The following FAM149A variants were observed in gnomAD, a reference collection of about 807,000 sequenced individuals.
FAM149A encodes the protein family with sequence similarity 149 member A.
In FAM149A, 71 loss-of-function variants were observed where a neutral mutation model predicts 78.2. The observed-to-expected ratio is 0.91, with a 90% CI of 0.75 to 1.11. The LOEUF is 1.11. FAM149A is among the 50% of genes least tolerant of loss of function. The pLI, the probability that FAM149A is intolerant of heterozygous loss-of-function variation, is 0.00. For missense variants in FAM149A, 1,036 were observed against 971.0 expected, an observed-to-expected ratio of 1.07 and a Z score of -0.89; for synonymous variants, 446 against 410.5, an observed-to-expected ratio of 1.09 and a Z score of -1.04.
intron 1 of FAM149A, chr4:186,116,453 C>T (rs1014609984): frequency 3.9e-5 from 38 of 983,986 alleles, no homozygotes; most frequent in Admixed American, 6.2e-5. Context: ...GTCATATGAC[C>T]ATTACTGTCA....
rs566527252 is a variant in FAM149A, at chr4:186,172,546, G to A, written c.*559G>A. ...TGAACCTCTTTGAGAAATGTCAGTG[G>A]CAAAATCTCCCAAGCTAATTTTCTT... On this transcript the variant is annotated 3_prime_UTR_variant, in exon 14 of 14. Coordinates refer to ENST00000389354, the MANE Select transcript of FAM149A (RefSeq NM_001367768.3). 1 of 112,096 alleles carries A rather than the reference G, an allele frequency of 8.9e-6. No individual in the cohort carries two copies. The highest frequency in any genetic ancestry group is 2.8e-5 in the African/African-American group (1 of 35,674). The allele number at this position is 112,096 out of a possible 1,614,324, so 6.9% of individuals were successfully genotyped here.
Position 186,164,500 on chromosome 4 carries a change from CAT to C in FAM149A, c.1890-842_1890-841del, listed in dbSNP as rs1734862454. 1 of 984,982 alleles carries C rather than the reference CAT, an allele frequency of 1.0e-6. No homozygotes were observed. Among genetic ancestry groups the C allele is most frequent in the Non-Finnish European group, 1.2e-6 (1 of 829,626 alleles). The allele number at this position is 984,982 out of a possible 1,614,324, so 61.0% of individuals were successfully genotyped here. A position where few individuals can be genotyped will look rare whatever the true frequency, so the allele number is the denominator to read the frequency against. On this transcript the variant is annotated intron_variant, in intron 10 of 13. Transcript: ENST00000389354. This position sits in a 1 kb window ranked among gnomAD's most constrained non-coding sequence, Gnocchi z 4.0. ...CACCCAGACTTTTTCCAGATGCAGT[CAT>C]AACCCCCCTTTCAGCTTTTTAATTG... is the stretch of plus-strand genomic sequence containing the variant.
intron 5 of FAM149A, 28 bp downstream of exon 5, chr4:186,153,798 A>G (rs1733805916): frequency 6.4e-7 from 1 of 1,568,716 alleles, no homozygotes; most frequent in Non-Finnish European, 8.7e-7. Flanking sequence ...ACTCTCAAAA[A>G]GTATTGTTAG....
rs1733296027 is a variant in FAM149A at position 186,149,407 on chromosome 4, A to ATTT, written c.677+124_677+125insTTT. 8.2e-6 allele frequency: 9 copies of ATTT among 1,095,894 alleles called. No individual in the cohort carries two copies. The East Asian group carries it at 5.3e-4, about 65-fold the overall frequency. 67.9% of individuals were successfully genotyped at this position (1,095,894 alleles called of 1,614,324 possible). A position where few individuals can be genotyped will look rare whatever the true frequency, so the allele number is the denominator to read the frequency against. On this transcript the variant is annotated intron_variant, in intron 2 of 13. Transcript: ENST00000389354. ...TGCAGTTTTATTTTTAACCTAGTGT[A>ATTT]AACATCACACTGTAAAAATATTTCA...
At position 186,135,536 on chromosome 4, in the gene FAM149A, C is replaced by T. The variant is rs1169699235; in HGVS notation, c.567-13637C>T. Among the ~76,000 whole-genome samples, 3 of 152,242 alleles carry T rather than the reference C, an allele frequency of 2.0e-5. No individual in the cohort carries two copies. In the South Asian group the frequency reaches 6.2e-4, roughly 32 times the overall value. ...AGTCTCAACATTTTTGTCAACTGAT[C>T]GATACCTGAGCTTGTCTAATGTGTG... On this transcript the variant is annotated intron_variant, in intron 1 of 13. Coordinates refer to ENST00000389354, the MANE Select transcript of FAM149A (RefSeq NM_001367768.3).
intron 1 of FAM149A, among the ~76,000 whole-genome samples, chr4:186,136,976 T>TCTCTCTCTCTCTCTCTCTCTCTCTC: frequency 1.4e-5 from 1 of 72,120 alleles, no homozygotes; most frequent in Non-Finnish European, 2.6e-5. Flanking sequence ...CTCTCTCTCT[T>TCTCTCTCTCTCTCTCTCTCTCTCTC]TCTCTCTCTC....
At chr4:186,158,166 C>T (rs541492504) in intron 8 of FAM149A, 1 of 1,282,164 alleles carries the variant, frequency 7.8e-7, no homozygotes, top group Non-Finnish European at 1.0e-6. Flanking sequence ...CTGAAGCTCA[C>T]TGCTGCCACC....
At chr4:186,147,943 A>G (rs1733186145) in intron 1 of FAM149A, among the ~76,000 whole-genome samples, 1 of 152,202 alleles carries the variant, frequency 6.6e-6, no homozygotes. Flanking sequence ...AAACAATCAT[A>G]TAATTCTATT....
At chr4:186,146,757 G>A (rs73027936) in intron 1 of FAM149A, 50,724 of 976,938 alleles carry the variant, frequency 0.052, 3,500 homozygotes, top group African/African-American at 0.31. Context: ...CGAGTAAAAC[G>A]TTATCCAATA....
At position 186,165,359 on chromosome 4, in the gene FAM149A, C is replaced by G; in HGVS notation, c.1905C>G (p.Asp635Glu). 6.2e-7 allele frequency: 1 copy of G among 1,614,180 alleles called. No homozygotes were observed. The highest frequency in any genetic ancestry group is 8.5e-7 in the Non-Finnish European group (1 of 1,180,020). Residue 635 changes from aspartate to glutamate, a missense_variant, in exon 11 of 14, where the codon GAC becomes GAG. Coordinates refer to ENST00000389354, the MANE Select transcript of FAM149A (RefSeq NM_001367768.3). ...TGTGTTGCAGGCCGACTGGCGTGGA[C>G]CACATGGCTTCCCCACTGGTTCAAA...
intron 9 of FAM149A, 126 bp from the exon 10 acceptor site, chr4:186,163,298 A>G (rs1734760193): frequency 4.3e-6 from 3 of 694,188 alleles, no homozygotes; most frequent in East Asian, 5.4e-5. Context: ...CATTCATTCA[A>G]CCCGTGCTTA....
At position 186,156,154 on chromosome 4, in the gene FAM149A, G is replaced by T; in HGVS notation, c.1384G>T (p.Glu462Ter). The T allele has an allele frequency of 6.2e-7, 1 of 1,613,362 alleles. No individual in the cohort carries two copies. Among genetic ancestry groups the T allele is most frequent in the Non-Finnish European group, 8.5e-7 (1 of 1,179,768 alleles). Reference sequence around the variant, plus strand: ...GACAAATATGGTAGAACTTTTGGAAGAGCTGATTAGAAAACACTGGGAAAC... The same window carrying T: ...GACAAATATGGTAGAACTTTTGGAATAGCTGATTAGAAAACACTGGGAAAC... The change falls in exon 7 of 14, where the codon GAG becomes TAG. Residue 462 changes from glutamate to a stop codon, truncating the protein, a stop_gained. Transcript: ENST00000389354. LOFTEE classifies it high-confidence loss of function.
chr4:186,171,805 A>C (rs1735557243), intron 13 of FAM149A, 109 bp from the exon 14 acceptor site: 4 of 746,128 alleles, frequency 5.4e-6, no homozygotes, highest in Non-Finnish European at 7.8e-6. Flanking sequence ...AGTGTATTAA[A>C]ATAAAATATA....
In FAM149A at chr4:186,156,083, A is replaced by C. The variant is rs1204327881; in HGVS notation, c.1313A>C (p.Asp438Ala). 1.9e-6 allele frequency: 3 copies of C among 1,613,862 alleles called. No individual in the cohort carries two copies. Among genetic ancestry groups the C allele is most frequent in the Admixed American group, 1.7e-5 (1 of 59,986 alleles). Residue 438 changes from aspartate (D) to alanine (A), a missense_variant, in exon 7 of 14, where the codon GAC (aspartate) becomes GCC (alanine). Transcript: ENST00000389354. The stretch of plus-strand genomic sequence containing the variant: ...GGACTTCCTCCTGTTTCCCCGCGTG[A>C]CTGTGTCAAAGATGCCGTGGCAGCA...
At chr4:186,130,709 A>G (rs957847603) in intron 1 of FAM149A, among the ~76,000 whole-genome samples, 3 of 151,952 alleles carry the variant, frequency 2.0e-5, no homozygotes, top group Non-Finnish European at 1.5e-5. Context: ...AATACCACCA[A>G]TTTACCTTAG....
chr4:186,105,618 A>G lies in FAM149A; in HGVS notation c.542A>G (p.Asp181Gly). ...GACATCGGCGAGGAGGGGGCCTCGG[A>G]CGGCGACTCCGGGGATGGCGAAGCG... Residue 181 changes from aspartate to glycine, a missense_variant, in exon 1 of 14, where the codon GAC becomes GGC. By Grantham distance (94) the Asp-to-Gly change is moderately conservative. Transcript: ENST00000389354. 1 of 1,055,862 alleles carries G rather than the reference A, an allele frequency of 9.5e-7. No homozygotes were observed. The highest frequency in any genetic ancestry group is 1.7e-5 in the African/African-American group (1 of 57,708). The allele number at this position is 1,055,862 out of a possible 1,614,324, so 65.4% of individuals were successfully genotyped here. A position where few individuals can be genotyped will look rare whatever the true frequency, so the allele number is the denominator to read the frequency against.
rs946863653 is a variant in FAM149A, at chr4:186,115,335, T to A, written c.566+9693T>A. Among the ~76,000 whole-genome samples the A allele has an allele frequency of 6.9e-5, 10 of 144,424 alleles. No individual in the cohort carries two copies. In the East Asian group the frequency reaches 1.9e-3, roughly 28 times the overall value. 94.7% of individuals were successfully genotyped at this position (144,424 alleles called of 152,430 possible). The stretch of plus-strand genomic sequence containing the variant: ...AAGTTTTCAACTTCTTTGCCTTTGG[T>A]TTGAATGTCCTCCCGTAGCTCAGAA... On this transcript the variant is annotated intron_variant, in intron 1 of 13. Coordinates refer to ENST00000389354, the MANE Select transcript of FAM149A (RefSeq NM_001367768.3).
In FAM149A at chr4:186,144,763, C is replaced by T. The variant is rs1561400535; in HGVS notation, c.567-4410C>T. ...GGCCGGGGCCCGGAGCGGGGATGGG[C>T]GGGCGCAGCCGGGATTAGCTGGCGG... On this transcript the variant is annotated intron_variant, in intron 1 of 13. Coordinates refer to ENST00000389354, the MANE Select transcript of FAM149A (RefSeq NM_001367768.3). The surrounding 1 kb of genome is among the most constrained non-coding windows in gnomAD (Gnocchi z 4.2). 4.2e-6 allele frequency: 4 copies of T among 943,108 alleles called. No individual in the cohort carries two copies. The highest frequency in any genetic ancestry group is 5.1e-6 in the Non-Finnish European group (4 of 792,050). 58.4% of individuals were successfully genotyped at this position (943,108 alleles called of 1,614,324 possible).
rs1579744688 is a variant in FAM149A at position 186,105,397 on chromosome 4, G to A, written c.321G>A (p.Pro107=). 8.5e-7 allele frequency: 1 copy of A among 1,180,666 alleles called. No homozygotes were observed. The highest frequency in any genetic ancestry group is 1.5e-5 in the South Asian group (1 of 64,814). The allele number at this position is 1,180,666 out of a possible 1,614,324, so 73.1% of individuals were successfully genotyped here. Residue 107 remains proline, a synonymous_variant, in exon 1 of 14, where the codon CCG becomes CCA. Coordinates refer to ENST00000389354, the MANE Select transcript of FAM149A (RefSeq NM_001367768.3). ...GTAGCCCTAGAGCGGGTAAAGCCCC[G>A]CCCCAGCCCCCCACTCCCTCCGGCG...
Sources: allele counts gnomAD v4.1 joint callset (sites outside exome capture counted in the v4.1 genomes callset), GRCh38; gene constraint gnomAD v4.1.1; non-coding constraint Gnocchi (gnomAD v3.1); transcripts MANE v1.5; gene names NCBI Gene and HGNC (gene_info 2026-07-23, HGNC 2026-07-21).